The following DPH6 variants were observed in gnomAD, a reference collection of about 807,000 sequenced individuals.
DPH6 encodes diphthine--ammonia ligase.
In DPH6, 33 loss-of-function variants were observed where a neutral mutation model predicts 38.2. The observed-to-expected ratio is 0.86, with a 90% CI of 0.65 to 1.15. The LOEUF is 1.15. Among genes scored for constraint, DPH6 ranks in the 50% most tolerant of loss-of-function variants. The pLI, the probability that DPH6 is intolerant of heterozygous loss-of-function variation, is 0.00. For missense variants in DPH6, 325 were observed against 320.0 expected, an observed-to-expected ratio of 1.02 and a Z score of -0.12; for synonymous variants, 108 against 103.0, an observed-to-expected ratio of 1.05 and a Z score of -0.30.
chr15:35,460,907 A>AG (rs2054058420), intron 3 of DPH6, among the ~76,000 whole-genome samples: 1 of 151,336 alleles, frequency 6.6e-6, no homozygotes, highest in African/African-American at 2.4e-5. Context: ...AACTGGTAAA[A>AG]AAAAAAAAAA....
intron 1 of DPH6, among the ~76,000 whole-genome samples, chr15:35,543,339 G>C (rs1451171143): frequency 7.0e-6 from 1 of 142,876 alleles, no homozygotes; most frequent in African/African-American, 2.7e-5. Flanking sequence ...TATAAATGTA[G>C]TAACACATTG....
the DPH6 span, among the ~76,000 whole-genome samples, chr15:35,158,791 G>GA: frequency 6.6e-6 from 1 of 151,882 alleles, no homozygotes; most frequent in Non-Finnish European, 1.5e-5. Flanking sequence ...ATGATAAAAA[G>GA]AAAAAAACAA....
intron 3 of DPH6, among the ~76,000 whole-genome samples, chr15:35,322,392 G>T (rs964674557): frequency 2.0e-5 from 3 of 152,200 alleles, no homozygotes; most frequent in African/African-American, 7.2e-5. Flanking sequence ...TCCTCCCAAG[G>T]TTAGCTTGGC....
chr15:35,490,168 T>TTA (rs2054457834), intron 3 of DPH6: 1 of 985,196 alleles, frequency 1.0e-6, no homozygotes, highest in African/African-American at 1.7e-5. Context: ...CAGTAAAGTC[T>TTA]GAGATTCCTG....
intron 1 of DPH6, among the ~76,000 whole-genome samples, chr15:35,543,638 G>A (rs117035044): frequency 3.0e-3 from 464 of 152,134 alleles, no homozygotes; most frequent in Non-Finnish European, 5.9e-3. Context: ...AACTGGCCTT[G>A]TTGCCTTTTA....
At chr15:35,158,152 A>C in the DPH6 span, among the ~76,000 whole-genome samples, 1 of 152,190 alleles carries the variant, frequency 6.6e-6, no homozygotes, top group Non-Finnish European at 1.5e-5. Flanking sequence ...GTAGTGGCCA[A>C]TTCTTTATTG....
At chr15:35,370,611 T>C (rs377661692), downstream of DPH6, among the ~76,000 whole-genome samples, 1 of 151,690 alleles carries the variant, frequency 6.6e-6, no homozygotes, top group Non-Finnish European at 1.5e-5. Flanking sequence ...CTTTAGGTAG[T>C]TGCAAACTAA....
At chr15:35,282,624 T>G (rs562964794) in intron 3 of DPH6, 1 of 406,420 alleles carries the variant, frequency 2.5e-6, no homozygotes, top group Non-Finnish European at 5.1e-6. Context: ...TGGGAGCAGA[T>G]TGGATCCAGC....
At chr15:35,297,803 C>CA (rs904150674) in intron 3 of DPH6, among the ~76,000 whole-genome samples, 3 of 151,634 alleles carry the variant, frequency 2.0e-5, no homozygotes, top group Non-Finnish European at 1.5e-5. Flanking sequence ...CCACCCCTGT[C>CA]AAAAAAACTT....
At chr15:35,277,381 T>C (rs1397837875) in intron 3 of DPH6, among the ~76,000 whole-genome samples, 1 of 152,212 alleles carries the variant, frequency 6.6e-6, no homozygotes, top group African/African-American at 2.4e-5. Context: ...AGTAGCAGTT[T>C]GACTTCCTCT....
intron 3 of DPH6, among the ~76,000 whole-genome samples, chr15:35,263,950 T>A (rs1236030669): frequency 1.3e-5 from 2 of 152,242 alleles, no homozygotes; most frequent in East Asian, 3.9e-4. Context: ...CCTGACCTCG[T>A]GATCTGCCCA....
chr15:35,378,273 T>G (rs186713819), intron 7 of DPH6, among the ~76,000 whole-genome samples: 611 of 152,272 alleles, frequency 4.0e-3, no homozygotes, highest in Admixed American at 5.2e-3. Context: ...AAAACCACAA[T>G]GAGATACCAT....
intron 3 of DPH6, among the ~76,000 whole-genome samples, chr15:35,460,328 T>C (rs1412012184): frequency 6.6e-6 from 1 of 152,170 alleles, no homozygotes; most frequent in Admixed American, 6.5e-5. Context: ...ATTCTTGTCA[T>C]GAAGATAACC....
In DPH6 at chr15:35,349,188, C is replaced by G. The variant is rs116464080; in HGVS notation, n.208-18111G>C. ...TAATTAATCTGGAATTCCAACACTA[C>G]GTTGAATAGAAGTGGTGAGAGAGGG... On this transcript the variant is annotated intron_variant and non_coding_transcript_variant, in intron 3 of 3. Coordinates refer to the DPH6 transcript ENST00000558973. Among the ~76,000 whole-genome samples the G allele has an allele frequency of 3.5e-3, 533 of 152,130 alleles. 4 individuals carry two copies. Among genetic ancestry groups the G allele is most frequent in the African/African-American group, 0.012 (515 of 41,530 alleles).
intron 1 of DPH6, among the ~76,000 whole-genome samples, chr15:35,544,606 A>G (rs2055315864): frequency 6.6e-6 from 1 of 152,248 alleles, no homozygotes; most frequent in South Asian, 2.1e-4. Context: ...ATGCATATAT[A>G]TAGAATACAT....
At chr15:35,402,992 AT>A (rs2053241506) in intron 6 of DPH6, among the ~76,000 whole-genome samples, 1 of 152,134 alleles carries the variant, frequency 6.6e-6, no homozygotes, top group Non-Finnish European at 1.5e-5. Context: ...CCAGCCATTA[AT>A]TAATGTCTTT....
the DPH6 span, among the ~76,000 whole-genome samples, chr15:35,199,998 T>C: frequency 6.6e-6 from 1 of 152,030 alleles, no homozygotes; most frequent in Non-Finnish European, 1.5e-5. Flanking sequence ...AGGTACAGTA[T>C]AGTGGTCTCT....
chr15:35,352,265 G>A (rs1428408854), intron 3 of DPH6, among the ~76,000 whole-genome samples: 1 of 151,894 alleles, frequency 6.6e-6, no homozygotes, highest in Non-Finnish European at 1.5e-5. Flanking sequence ...AGCAGTCCTA[G>A]TGATAATGAA....
At chr15:35,471,730 A>G (rs576607389) in intron 3 of DPH6, among the ~76,000 whole-genome samples, 3 of 152,298 alleles carry the variant, frequency 2.0e-5, no homozygotes, top group South Asian at 2.1e-4. Flanking sequence ...AACCTATGAA[A>G]CCATATTTGA....
Sources: allele counts gnomAD v4.1 joint callset (sites outside exome capture counted in the v4.1 genomes callset), GRCh38; gene constraint gnomAD v4.1.1; transcripts MANE v1.5; gene names NCBI Gene and HGNC (gene_info 2026-07-23, HGNC 2026-07-21).